The following NBDY variants were observed in gnomAD, a reference collection of about 807,000 sequenced individuals.
The protein encoded by NBDY is P-body dissociating protein.
At chrX:56,739,238 G>GTATATATATATATATATATA (rs1198957018) in intron 2 of NBDY, among the ~76,000 whole-genome samples, 1 of 59,626 alleles carries the variant, frequency 1.7e-5, no homozygotes, top group African/African-American at 7.0e-5. Flanking sequence ...GTTTGTGTGT[G>GTATATATATATATATATATA]TATATATATA....
In NBDY at chrX:56,762,990, C is replaced by T. The variant is rs1471137201; in HGVS notation, c.*166+30791C>T. Among the ~76,000 whole-genome samples the T allele has an allele frequency of 1.8e-5, 2 of 112,184 alleles. 1 individual carries two copies. Among genetic ancestry groups the T allele is most frequent in the Non-Finnish European group, 3.8e-5 (2 of 53,228 alleles). On this transcript the variant is annotated intron_variant, in intron 2 of 2. Transcript: ENST00000374922. Reference sequence around the variant, plus strand: ...AGACACATACACACCACCACAGGCACGAGACTGCCTACAATTTCTCCCACA... The same window carrying T: ...AGACACATACACACCACCACAGGCATGAGACTGCCTACAATTTCTCCCACA...
At chrX:56,803,015 T>C (rs752418800) in intron 2 of NBDY, among the ~76,000 whole-genome samples, 7 of 111,574 alleles carry the variant, frequency 6.3e-5, no homozygotes, top group Admixed American at 2.8e-4. Flanking sequence ...GTTAAGCTTG[T>C]AGTTGGCCTT....
chrX:56,785,445 G>A (rs553966726), intron 2 of NBDY, among the ~76,000 whole-genome samples: 4 of 110,698 alleles, frequency 3.6e-5, no homozygotes, highest in African/African-American at 6.6e-5. Flanking sequence ...GTATCCCCAC[G>A]CACACTCACA....
chrX:56,815,642 T>C (rs1204387255), intron 2 of NBDY, among the ~76,000 whole-genome samples: 1 of 112,226 alleles, frequency 8.9e-6, no homozygotes, highest in Non-Finnish European at 1.9e-5. Context: ...GTCTCAGTTA[T>C]GTTCATTTTG....
At chrX:56,794,735 C>G (rs1306177687) in intron 2 of NBDY, among the ~76,000 whole-genome samples, 3 of 112,165 alleles carry the variant, frequency 2.7e-5, no homozygotes, top group African/African-American at 9.7e-5. Context: ...GCACAGGTCT[C>G]CTAAGAAGAG....
intron 2 of NBDY, among the ~76,000 whole-genome samples, chrX:56,763,626 G>A (rs928590676): frequency 8.9e-6 from 1 of 111,967 alleles, no homozygotes; most frequent in Non-Finnish European, 1.9e-5. Flanking sequence ...TAATGATCAT[G>A]TTTTTTGTTG....
intron 2 of NBDY, among the ~76,000 whole-genome samples, chrX:56,800,075 CAGA>C (rs2069814368): frequency 9.0e-6 from 1 of 111,498 alleles, no homozygotes; most frequent in Admixed American, 9.5e-5. Flanking sequence ...CAGGTCTCCT[CAGA>C]AGGAGACTGG....
chrX:56,736,457 G>C (rs773578061), intron 2 of NBDY, among the ~76,000 whole-genome samples: 5 of 110,719 alleles, frequency 4.5e-5, no homozygotes, highest in Admixed American at 9.5e-5. Flanking sequence ...GTAGAGACGG[G>C]GTTTCACCAT....
rs750851973 is a variant in NBDY at position 56,798,499 on chromosome X, G to A, written c.*167-18821G>A. On this transcript the variant is annotated intron_variant, in intron 2 of 2. Transcript: ENST00000374922. ...GCCTCAGGTCCTGTGGCTCCCTGTT[G>A]AGCAGTCTGCCCGTTCTGGTGACCT... is the stretch of plus-strand genomic sequence containing the variant. 4.5e-5 allele frequency among the ~76,000 whole-genome samples: 5 copies of A among 111,739 alleles called. No individual in the cohort carries two copies. In the East Asian group the frequency reaches 1.4e-3, roughly 32 times the overall value.
At chrX:56,752,976 A>G (rs1421823795) in intron 2 of NBDY, among the ~76,000 whole-genome samples, 1 of 112,579 alleles carries the variant, frequency 8.9e-6, no homozygotes, top group East Asian at 2.8e-4. Context: ...TCACAGTGAA[A>G]TAGAATGTTT....
intron 2 of NBDY, among the ~76,000 whole-genome samples, chrX:56,801,169 C>T (rs187944970): frequency 1.2e-3 from 131 of 111,570 alleles, no homozygotes; most frequent in Non-Finnish European, 2.3e-3. Context: ...GTCCTTTCAC[C>T]GGGACATCAC....
chrX:56,742,019 G>C (rs888132895), intron 2 of NBDY, among the ~76,000 whole-genome samples: 3 of 111,850 alleles, frequency 2.7e-5, no homozygotes, highest in Non-Finnish European at 5.7e-5. Context: ...TATGGCAAAA[G>C]ATAGCTATCT....
intron 2 of NBDY, among the ~76,000 whole-genome samples, chrX:56,803,018 T>C (rs1377865102): frequency 1.8e-5 from 2 of 111,656 alleles, no homozygotes; most frequent in Non-Finnish European, 3.8e-5. Flanking sequence ...AAGCTTGTAG[T>C]TGGCCTTTGT....
At chrX:56,794,158 G>T (rs1049365302) in intron 2 of NBDY, among the ~76,000 whole-genome samples, 3 of 112,030 alleles carry the variant, frequency 2.7e-5, no homozygotes, top group African/African-American at 6.5e-5. Flanking sequence ...CGGCAGGTAC[G>T]CTTTGTTCTA....
intron 2 of NBDY, among the ~76,000 whole-genome samples, chrX:56,764,794 G>A (rs1012807772): frequency 1.8e-5 from 2 of 110,410 alleles, no homozygotes; most frequent in African/African-American, 6.6e-5. Context: ...TGGGGGAACC[G>A]GCAACAGTAG....
chrX:56,735,659 A>C (rs767993569), intron 2 of NBDY, among the ~76,000 whole-genome samples: 3 of 112,065 alleles, frequency 2.7e-5, no homozygotes, highest in Non-Finnish European at 3.8e-5. Flanking sequence ...TGCACAGTAG[A>C]TGTCTGAACA....
intron 2 of NBDY, among the ~76,000 whole-genome samples, chrX:56,813,014 G>A (rs978039028): frequency 5.4e-5 from 6 of 110,318 alleles, no homozygotes; most frequent in African/African-American, 2.0e-4. Context: ...CACAGGGTGG[G>A]GAACATCACA....
intron 2 of NBDY, among the ~76,000 whole-genome samples, chrX:56,734,207 A>T (rs1275964094): frequency 8.9e-6 from 1 of 111,934 alleles, no homozygotes; most frequent in African/African-American, 3.2e-5. Flanking sequence ...AACTCAGTGC[A>T]GGAATGTTAT....
intron 2 of NBDY, among the ~76,000 whole-genome samples, chrX:56,807,120 C>T (rs1185098424): frequency 1.8e-5 from 2 of 111,698 alleles, no homozygotes; most frequent in African/African-American, 6.5e-5. Context: ...TATTAGGTGG[C>T]TGTAGATGTG....
Sources: gnomAD v4.1 joint callset for allele counts (sites outside exome capture counted in the v4.1 genomes callset) on GRCh38, gnomAD v4.1.1 for gene constraint, MANE v1.5 for transcripts, NCBI Gene and HGNC (gene_info 2026-07-23, HGNC 2026-07-21) for gene names.